The following DACH2 variants were observed in gnomAD, a reference collection of about 807,000 sequenced individuals.
DACH2 encodes dachshund homolog 2.
A neutral mutation model predicts 35.8 loss-of-function variants in DACH2; 17 were observed. The ratio of observed to expected loss-of-function variants is 0.48; its 90% CI spans 0.33 to 0.71. DACH2 has a LOEUF of 0.71. Among genes scored for constraint, DACH2 ranks in the 30% least tolerant of loss-of-function variants. The probability of loss-of-function intolerance (pLI) is 0.02; values close to 1 mark genes in which losing one functional copy is unlikely to be tolerated. For missense variants in DACH2, 469 were observed against 472.7 expected (o/e 0.99, Z 0.07); for synonymous variants, 195 against 177.3 (o/e 1.10, Z -0.79).
chrX:86,166,913 C>G (rs775834518), intron 1 of DACH2, among the ~76,000 whole-genome samples: 10 of 111,005 alleles, frequency 9.0e-5, no homozygotes, highest in Non-Finnish European at 1.7e-4. Context: ...GCGATAAATC[C>G]CATTTGGTCA....
chrX:86,467,941 C>A (rs1227165619), intron 2 of DACH2, among the ~76,000 whole-genome samples: 1 of 111,050 alleles, frequency 9.0e-6, no homozygotes, highest in Non-Finnish European at 1.9e-5. Context: ...CAGTTTTCTC[C>A]CCTGGGTCCC....
At chrX:86,493,654 A>T (rs189141643) in intron 2 of DACH2, among the ~76,000 whole-genome samples, 2 of 111,637 alleles carry the variant, frequency 1.8e-5, no homozygotes, top group African/African-American at 6.5e-5. Context: ...AGGTGTTAAT[A>T]CTTCCAATTT....
intron 1 of DACH2, among the ~76,000 whole-genome samples, chrX:86,293,332 A>C (rs1367452497): frequency 3.6e-5 from 4 of 109,638 alleles, no homozygotes; most frequent in African/African-American, 1.3e-4. Context: ...TCTGCACGTG[A>C]GATGGGTTTC....
intron 5 of DACH2, among the ~76,000 whole-genome samples, chrX:86,704,393 G>T (rs943937945): frequency 9.0e-6 from 1 of 110,948 alleles, no homozygotes; most frequent in South Asian, 3.7e-4. Flanking sequence ...TAAACAAAGA[G>T]CTTGTGATTA....
At chrX:86,507,457 A>G (rs1195859980) in intron 2 of DACH2, among the ~76,000 whole-genome samples, 1 of 54,186 alleles carries the variant, frequency 1.8e-5, no homozygotes, top group Non-Finnish European at 3.3e-5. Context: ...AAAGTCAGTG[A>G]CCTTTCAAAA....
intron 1 of DACH2, among the ~76,000 whole-genome samples, chrX:86,176,083 T>C (rs1013835522): frequency 1.2e-3 from 132 of 110,576 alleles, no homozygotes; most frequent in African/African-American, 4.3e-3. Context: ...TTAATTAGAA[T>C]TGTGGTTTTG....
chrX:86,709,836 A>G (rs1212077308), intron 5 of DACH2, among the ~76,000 whole-genome samples: 1 of 112,529 alleles, frequency 8.9e-6, no homozygotes, highest in Admixed American at 9.4e-5. Context: ...TAAAACAACT[A>G]GGAGATACCC....
chrX:86,728,072 G>A (rs1321841369), intron 6 of DACH2, among the ~76,000 whole-genome samples: 1 of 112,110 alleles, frequency 8.9e-6, no homozygotes, highest in East Asian at 2.8e-4. Context: ...TGACCAAAAT[G>A]CTGATGGTGA....
intron 3 of DACH2, among the ~76,000 whole-genome samples, chrX:86,645,453 G>T (rs2040403964): frequency 9.0e-6 from 1 of 111,414 alleles, no homozygotes; most frequent in Non-Finnish European, 1.9e-5. Flanking sequence ...CTGTTGATGG[G>T]AGTGTGAATT....
At chrX:86,536,124 A>G (rs1207488948) in intron 3 of DACH2, among the ~76,000 whole-genome samples, 9 of 111,022 alleles carry the variant, frequency 8.1e-5, no homozygotes, top group Non-Finnish European at 1.5e-4. Flanking sequence ...GGAAGCTTAC[A>G]GCAAAATTTT....
At chrX:86,495,406 T>C (rs1310237863) in intron 2 of DACH2, among the ~76,000 whole-genome samples, 1 of 108,945 alleles carries the variant, frequency 9.2e-6, no homozygotes, top group Non-Finnish European at 1.9e-5. Flanking sequence ...TATTTTACAA[T>C]TACACATCAC....
intron 2 of DACH2, among the ~76,000 whole-genome samples, chrX:86,511,370 G>A (rs2038394181): frequency 9.0e-6 from 1 of 111,320 alleles, no homozygotes; most frequent in Admixed American, 9.6e-5. Context: ...TTACTCTTGG[G>A]GCCCAAGTCT....
At chrX:86,778,008 A>AAAG (rs1340682717) in intron 7 of DACH2, among the ~76,000 whole-genome samples, 24 of 111,758 alleles carry the variant, frequency 2.1e-4, no homozygotes, top group Admixed American at 2.1e-3. Flanking sequence ...CATGGTGTAC[A>AAAG]AAGACATCAA....
At chrX:86,471,454 C>T (rs1307213057) in intron 2 of DACH2, among the ~76,000 whole-genome samples, 1 of 111,243 alleles carries the variant, frequency 9.0e-6, no homozygotes, top group Non-Finnish European at 1.9e-5. Flanking sequence ...TGCTTTTTCA[C>T]CTAGGAAATA....
chrX:86,785,994 A>G (rs1232655496), intron 7 of DACH2, among the ~76,000 whole-genome samples: 2 of 111,384 alleles, frequency 1.8e-5, no homozygotes, highest in East Asian at 2.8e-4. Flanking sequence ...GAAACTCTCT[A>G]TAGGAATATA....
chrX:86,650,196 T>C (rs767495), intron 3 of DACH2, among the ~76,000 whole-genome samples: 29,915 of 109,632 alleles, frequency 0.27, 3,366 homozygotes, highest in East Asian at 0.67. Context: ...CACCCCACCT[T>C]TTTATACCAT....
intron 6 of DACH2, among the ~76,000 whole-genome samples, chrX:86,736,995 A>G (rs2041603018): frequency 8.9e-6 from 1 of 111,760 alleles, no homozygotes; most frequent in Non-Finnish European, 1.9e-5. Flanking sequence ...TGAAAGGCAA[A>G]AATGGCCACA....
At chrX:86,285,818 T>C (rs927188940) in intron 1 of DACH2, among the ~76,000 whole-genome samples, 5 of 111,803 alleles carry the variant, frequency 4.5e-5, no homozygotes, top group Non-Finnish European at 9.4e-5. Context: ...TTAGCTTTAA[T>C]AATATTTTCT....
At chrX:86,500,875 T>G (rs1000761829) in intron 2 of DACH2, among the ~76,000 whole-genome samples, 1 of 111,908 alleles carries the variant, frequency 8.9e-6, no homozygotes, top group Non-Finnish European at 1.9e-5. Flanking sequence ...TGCATGCTTA[T>G]TTCATTGCCG....
Sources: allele counts gnomAD v4.1 joint callset (sites outside exome capture counted in the v4.1 genomes callset), GRCh38; gene constraint gnomAD v4.1.1; transcripts MANE v1.5; gene names NCBI Gene and HGNC (gene_info 2026-07-23, HGNC 2026-07-21).